The following STT3B variants were observed in gnomAD, a reference collection of about 807,000 sequenced individuals.
STT3B encodes STT3 oligosaccharyltransferase complex catalytic subunit B, also known as dolichyl-diphosphooligosaccharide--protein glycosyltransferase subunit STT3B.
In STT3B, 29 loss-of-function variants were observed where a neutral mutation model predicts 96.8. That is an observed-to-expected ratio of 0.30 (90% CI 0.22 to 0.41). STT3B has a LOEUF of 0.41. STT3B is among the 10% of genes least tolerant of loss of function. STT3B has a pLI of 1.00. For synonymous variants in STT3B, 367 were observed against 360.0 expected (o/e 1.02, Z -0.22); for missense variants, 640 against 1,022.3 (o/e 0.63, Z 5.10).
intron 5 of STT3B, among the ~76,000 whole-genome samples, chr3:31,601,637 GAAT>G (rs1003824511): frequency 2.0e-5 from 3 of 152,092 alleles, no homozygotes; most frequent in African/African-American, 7.2e-5. Flanking sequence ...TGTGACTGTT[GAAT>G]GGATATGGGG....
chr3:31,636,883 A>G lies in STT3B; in HGVS notation c.*819A>G, dbSNP rs1699762280. On this transcript the variant is annotated 3_prime_UTR_variant, in exon 16 of 16. Transcript: ENST00000295770. ...GTACTGAAGTTAGCACTATGTTTAC[A>G]TGCAAAAGATTAAGGAAAAAACCCT... 6.6e-6 allele frequency: 1 copy of G among 152,204 alleles called. No individual in the cohort carries two copies. The highest frequency in any genetic ancestry group is 1.5e-5 in the Non-Finnish European group (1 of 68,024). The allele number at this position is 152,204 out of a possible 1,614,324, so 9.4% of individuals were successfully genotyped here.
chr3:31,623,528 C>T, intron 10 of STT3B, 146 bp from the exon 11 acceptor site: 1 of 619,238 alleles, frequency 1.6e-6, no homozygotes, highest in Non-Finnish European at 2.7e-6. Context: ...CTCCATCACC[C>T]ACATAAGAAT....
intron 4 of STT3B, among the ~76,000 whole-genome samples, chr3:31,599,796 G>A (rs1187624051): frequency 1.3e-5 from 2 of 152,122 alleles, no homozygotes; most frequent in African/African-American, 4.8e-5. Flanking sequence ...TATTGTATAA[G>A]CCAAAGATTA....
At chr3:31,631,138 G>A (rs890992916) in intron 14 of STT3B, among the ~76,000 whole-genome samples, 2 of 152,200 alleles carry the variant, frequency 1.3e-5, no homozygotes, top group East Asian at 1.9e-4. Context: ...GGCTAATATG[G>A]ACTAGAATAT....
intron 1 of STT3B, among the ~76,000 whole-genome samples, chr3:31,557,661 C>T (rs754099128): frequency 5.1e-4 from 77 of 152,052 alleles, no homozygotes; most frequent in Admixed American, 1.7e-3. Context: ...GAGACGGAGT[C>T]TTGCTCTGTT....
At chr3:31,537,024 G>A (rs1697118292) in intron 1 of STT3B, among the ~76,000 whole-genome samples, 1 of 152,190 alleles carries the variant, frequency 6.6e-6, no homozygotes, top group Non-Finnish European at 1.5e-5. Flanking sequence ...GCCTTAGCAG[G>A]TTATAAAGTG....
At chr3:31,540,142 C>G (rs1358858837) in intron 1 of STT3B, among the ~76,000 whole-genome samples, 1 of 152,086 alleles carries the variant, frequency 6.6e-6, no homozygotes, top group Non-Finnish European at 1.5e-5. Flanking sequence ...AAGTTACTTT[C>G]TACCACTTAG....
chr3:31,537,478 A>G (rs1697130996), intron 1 of STT3B, among the ~76,000 whole-genome samples: 1 of 152,220 alleles, frequency 6.6e-6, no homozygotes, highest in African/African-American at 2.4e-5. Flanking sequence ...ATTAAATTGT[A>G]TGAATTTATG....
chr3:31,543,378 C>T (rs942347944), intron 1 of STT3B, among the ~76,000 whole-genome samples: 2 of 152,064 alleles, frequency 1.3e-5, no homozygotes, highest in Non-Finnish European at 2.9e-5. Context: ...TAATAACTTA[C>T]TACTATTATT....
At chr3:31,617,616 T>G (rs1699336577) in intron 7 of STT3B, among the ~76,000 whole-genome samples, 1 of 151,850 alleles carries the variant, frequency 6.6e-6, no homozygotes, top group South Asian at 2.1e-4. Flanking sequence ...GTTTATTTTA[T>G]TTTTTTTAAA....
At chr3:31,540,848 C>T (rs1183807265) in intron 1 of STT3B, among the ~76,000 whole-genome samples, 1 of 152,068 alleles carries the variant, frequency 6.6e-6, no homozygotes, top group Non-Finnish European at 1.5e-5. Flanking sequence ...AGAACACAGG[C>T]CATAAGGAGT....
At chr3:31,615,345 T>A in intron 6 of STT3B, 142 bp downstream of exon 6, 2 of 625,990 alleles carry the variant, frequency 3.2e-6, no homozygotes, top group Non-Finnish European at 5.4e-6. Context: ...GGGAAATCTG[T>A]AGATAAAAAT....
chr3:31,576,383 C>A lies in STT3B; in HGVS notation c.315-13C>A, dbSNP rs1458954311. On this transcript the variant is annotated splice_polypyrimidine_tract_variant and intron_variant, in intron 1 of 15. Coordinates refer to ENST00000295770, the MANE Select transcript of STT3B (RefSeq NM_178862.3). ...GCAGTTTTATAACATTTCTTTTTATCTCTTTTCTCTAGGTTTAACTATAGA... is the reference window on the plus strand; with the variant it reads ...GCAGTTTTATAACATTTCTTTTTATATCTTTTCTCTAGGTTTAACTATAGA... The A allele has an allele frequency of 4.7e-6, 7 of 1,474,686 alleles. No homozygotes were observed. The highest frequency in any genetic ancestry group is 6.5e-6 in the Non-Finnish European group (7 of 1,077,004). The allele number at this position is 1,474,686 out of a possible 1,614,324, so 91.4% of individuals were successfully genotyped here. A position where few individuals can be genotyped will look rare whatever the true frequency, so the allele number is the denominator to read the frequency against.
At chr3:31,626,160 GATAGC>G in intron 13 of STT3B, 33 bp downstream of exon 13, 1 of 1,572,312 alleles carries the variant, frequency 6.4e-7, no homozygotes, top group Non-Finnish European at 8.7e-7. Flanking sequence ...GTATGTGAAA[GATAGC>G]TCACTGTGTC....
chr3:31,555,739 T>G (rs895666166), intron 1 of STT3B, among the ~76,000 whole-genome samples: 5 of 152,154 alleles, frequency 3.3e-5, no homozygotes, highest in Non-Finnish European at 5.9e-5. Context: ...CTCAGAATCT[T>G]AAACATTAGT....
chr3:31,627,281 G>A (rs888868472), intron 13 of STT3B, among the ~76,000 whole-genome samples: 3 of 152,174 alleles, frequency 2.0e-5, no homozygotes, highest in Admixed American at 6.5e-5. Context: ...AAACCCTATC[G>A]TGAACTGCGC....
intron 5 of STT3B, among the ~76,000 whole-genome samples, chr3:31,606,181 A>G (rs1575437559): frequency 6.6e-6 from 1 of 152,214 alleles, no homozygotes; most frequent in South Asian, 2.1e-4. Context: ...ACAGAGCATA[A>G]AAGTTTGGGA....
intron 14 of STT3B, among the ~76,000 whole-genome samples, chr3:31,632,185 C>G (rs905671105): frequency 3.3e-5 from 5 of 152,188 alleles, no homozygotes; most frequent in African/African-American, 1.2e-4. Flanking sequence ...GTCTCCTTCT[C>G]TCCCTATGTT....
chr3:31,555,803 A>G (rs887002645), intron 1 of STT3B, among the ~76,000 whole-genome samples: 2 of 152,148 alleles, frequency 1.3e-5, no homozygotes, highest in South Asian at 2.1e-4. Context: ...AATGGTGTAC[A>G]TATCATATTT....
Sources: gnomAD v4.1 joint callset for allele counts (sites outside exome capture counted in the v4.1 genomes callset) on GRCh38, gnomAD v4.1.1 for gene constraint, MANE v1.5 for transcripts, NCBI Gene and HGNC (gene_info 2026-07-23, HGNC 2026-07-21) for gene names.